FRMPD2: variants seen among roughly 807,000 people sequenced by gnomAD.
FRMPD2 encodes FERM and PDZ domain-containing protein 2.
A neutral mutation model predicts 140.1 loss-of-function variants in FRMPD2; 96 were observed. That is an observed-to-expected ratio of 0.69 (90% CI 0.58 to 0.81). FRMPD2 has a LOEUF of 0.81. Ranked by LOEUF, FRMPD2 falls within the 40% of genes least tolerant of loss-of-function variation. FRMPD2 has a pLI of 0.00. For missense variants in FRMPD2, 1,240 were observed against 1,447.4 expected (o/e 0.86, Z 2.32); for synonymous variants, 449 against 547.6 (o/e 0.82, Z 2.52).
intron 9 of FRMPD2, among the ~76,000 whole-genome samples, chr10:48,235,178 C>A (rs978017973): frequency 1.3e-5 from 2 of 152,228 alleles, no homozygotes; most frequent in African/African-American, 4.8e-5. Context: ...CCCTCACACA[C>A]CAGCCTCCTT....
In FRMPD2 at chr10:48,223,121, A is replaced by C. The variant is rs752149359; in HGVS notation, c.1316+2T>G. 7 of 1,612,338 alleles carry C rather than the reference A, an allele frequency of 4.3e-6. No individual in the cohort carries two copies. Among genetic ancestry groups the C allele is most frequent in the Non-Finnish European group, 5.9e-6 (7 of 1,178,812 alleles). On this transcript the variant is annotated splice_donor_variant, in intron 11 of 28. Coordinates refer to ENST00000374201, the MANE Select transcript of FRMPD2 (RefSeq NM_001018071.4). LOFTEE classifies it high-confidence loss of function. ...ACAAATGAACAGGTTTGCAGCACTC[A>C]CTGGAGCAGCCCATAGTGGCTGACA...
At chr10:48,162,089 T>G (rs1837957172) in intron 28 of FRMPD2, among the ~76,000 whole-genome samples, 1 of 150,868 alleles carries the variant, frequency 6.6e-6, no homozygotes, top group Non-Finnish European at 1.5e-5. Flanking sequence ...GTAGTTGTCC[T>G]TGGACAAGTC....
At chr10:48,232,396 G>T in intron 9 of FRMPD2, 107 bp from the exon 10 acceptor site, 1 of 752,760 alleles carries the variant, frequency 1.3e-6, no homozygotes, top group Non-Finnish European at 2.1e-6. Context: ...TCATTTAATT[G>T]ACAACTCTAA....
chr10:48,236,933 G>A (rs1301122391), intron 8 of FRMPD2, among the ~76,000 whole-genome samples: 1 of 152,154 alleles, frequency 6.6e-6, no homozygotes. Context: ...AGATTTAGAT[G>A]AGCTGAAATG....
Position 48,274,570 on chromosome 10 carries a change from A to G in FRMPD2, c.-3T>C. ...GCGTCCTTCGTTAAAGGCTGCATCCAAAAGTCTCCGTGACCAGGTCTAGGC... is the reference window on the plus strand; with the variant it reads ...GCGTCCTTCGTTAAAGGCTGCATCCGAAAGTCTCCGTGACCAGGTCTAGGC... On this transcript the variant is annotated 5_prime_UTR_variant, in exon 1 of 29. Coordinates refer to ENST00000374201, the MANE Select transcript of FRMPD2 (RefSeq NM_001018071.4). 1.2e-6 allele frequency: 2 copies of G among 1,614,038 alleles called. No homozygotes were observed. The highest frequency in any genetic ancestry group is 1.7e-6 in the Non-Finnish European group (2 of 1,179,860).
chr10:48,228,653 T>G (rs1429788962), intron 10 of FRMPD2, among the ~76,000 whole-genome samples: 2 of 151,944 alleles, frequency 1.3e-5, no homozygotes, highest in East Asian at 1.9e-4. Context: ...GTTTTCTGGT[T>G]TTCACTAGAA....
chr10:48,209,317 A>G (rs1475482073), intron 13 of FRMPD2, among the ~76,000 whole-genome samples: 1 of 152,256 alleles, frequency 6.6e-6, no homozygotes, highest in Admixed American at 6.5e-5. Context: ...TGAGGAAGTT[A>G]GGAAAACACT....
At chr10:48,214,732 C>A (rs1022451186) in intron 12 of FRMPD2, among the ~76,000 whole-genome samples, 3 of 152,098 alleles carry the variant, frequency 2.0e-5, no homozygotes, top group Non-Finnish European at 4.4e-5. Context: ...ATTTTTATGG[C>A]ATTTATAAAA....
intron 10 of FRMPD2, among the ~76,000 whole-genome samples, chr10:48,230,415 G>T (rs1471198520): frequency 1.6e-4 from 25 of 152,186 alleles, no homozygotes; most frequent in Non-Finnish European, 7.4e-5. Flanking sequence ...CCAAACTGAG[G>T]TTTGTCTTGA....
At chr10:48,205,219 G>T (rs1839176872) in intron 14 of FRMPD2, among the ~76,000 whole-genome samples, 1 of 152,198 alleles carries the variant, frequency 6.6e-6, no homozygotes, top group African/African-American at 2.4e-5. Flanking sequence ...TTCATGCCAA[G>T]GAAGAGGATG....
intron 14 of FRMPD2, among the ~76,000 whole-genome samples, chr10:48,203,815 G>A (rs1491000293): frequency 6.6e-6 from 1 of 152,176 alleles, no homozygotes; most frequent in Admixed American, 6.5e-5. Flanking sequence ...AAAGTAAGAT[G>A]TTTTCACCCC....
rs147454911 is a variant in FRMPD2, at chr10:48,190,037, T to C, written c.2165+2647A>G. ...ACAGCACTAGACCACGGAGCAAGTA[T>C]TGGCAAAGGACTTCCATGATGCGGG... On this transcript the variant is annotated intron_variant, in intron 16 of 28. Coordinates refer to ENST00000374201, the MANE Select transcript of FRMPD2 (RefSeq NM_001018071.4). 3.3e-3 allele frequency among the ~76,000 whole-genome samples: 496 copies of C among 152,308 alleles called. 1 individual carries two copies. The highest frequency in any genetic ancestry group is 0.011 in the African/African-American group (460 of 41,556).
chr10:48,213,323 G>A (rs1839374250), intron 12 of FRMPD2, among the ~76,000 whole-genome samples: 1 of 152,198 alleles, frequency 6.6e-6, no homozygotes, highest in Non-Finnish European at 1.5e-5. Context: ...CAGAACACTG[G>A]CAACACCATG....
chr10:48,228,922 A>G (rs185994057), intron 10 of FRMPD2, among the ~76,000 whole-genome samples: 21 of 152,180 alleles, frequency 1.4e-4, no homozygotes, highest in Admixed American at 5.9e-4. Flanking sequence ...GAAAATTGCA[A>G]AAGGTTTATG....
chr10:48,269,433 G>T (rs1840731092), intron 1 of FRMPD2, among the ~76,000 whole-genome samples: 1 of 152,194 alleles, frequency 6.6e-6, no homozygotes, highest in Non-Finnish European at 1.5e-5. Context: ...TGGGGCAGGT[G>T]GTACCTAGTA....
intron 2 of FRMPD2, 113 bp downstream of exon 2, chr10:48,251,453 T>C: frequency 3.8e-6 from 5 of 1,309,394 alleles, no homozygotes; most frequent in Non-Finnish European, 5.3e-6. Flanking sequence ...AGCAACCTTG[T>C]TCTGTGCTCT....
At chr10:48,217,241 A>G (rs1036217956) in intron 12 of FRMPD2, among the ~76,000 whole-genome samples, 23 of 152,234 alleles carry the variant, frequency 1.5e-4, no homozygotes, top group African/African-American at 5.5e-4. Flanking sequence ...CCTGCGCTTC[A>G]AGTACTGCTT....
intron 1 of FRMPD2, among the ~76,000 whole-genome samples, chr10:48,254,743 G>A (rs374389597): frequency 1.3e-5 from 2 of 152,224 alleles, no homozygotes; most frequent in Admixed American, 6.5e-5. Flanking sequence ...TTTTAAAGAT[G>A]AGGAACAAAG....
rs751618902 is a variant in FRMPD2, at chr10:48,239,625, G to A, written c.768C>T (p.His256=). ...EPHWSTLTHS[H]CSLLVNRALP... ...CTTACCGGTTAACAAGGAGGCTGCA[G>A]TGACTGTGTGTCAAGGTGCTCCAAT... The change falls in exon 7 of 29, where the codon CAC becomes CAT. Residue 256 remains histidine (H), a synonymous_variant. Coordinates refer to ENST00000374201, the MANE Select transcript of FRMPD2 (RefSeq NM_001018071.4). 3.1e-6 allele frequency: 5 copies of A among 1,614,114 alleles called. No individual in the cohort carries two copies. The highest frequency in any genetic ancestry group is 1.7e-4 in the Middle Eastern group (1 of 6,060).
Sources: allele counts gnomAD v4.1 joint callset (sites outside exome capture counted in the v4.1 genomes callset), GRCh38; gene constraint gnomAD v4.1.1; transcripts MANE v1.5; gene names NCBI Gene and HGNC (gene_info 2026-07-23, HGNC 2026-07-21).